The following PWWP2A variants were observed in gnomAD, a reference collection of about 807,000 sequenced individuals.
PWWP2A encodes PWWP domain containing 2A.
A neutral mutation model predicts 48.5 loss-of-function variants in PWWP2A; 18 were observed. That is an observed-to-expected ratio of 0.37 (90% CI 0.26 to 0.55). The LOEUF is 0.55. PWWP2A is among the 20% of genes least tolerant of loss of function. The pLI is 0.81. For missense variants in PWWP2A, 867 were observed against 976.4 expected (o/e 0.89, Z 1.49); for synonymous variants, 396 against 387.7 (o/e 1.02, Z -0.25).
intron 2 of PWWP2A, among the ~76,000 whole-genome samples, chr5:160,083,367 C>T (rs898540176): frequency 2.0e-5 from 3 of 152,260 alleles, no homozygotes; most frequent in Admixed American, 6.5e-5. Flanking sequence ...CCAAACCACA[C>T]ACAGTTCAAG....
At chr5:160,061,050 A>G (rs1219803541), downstream of PWWP2A, among the ~76,000 whole-genome samples, 3 of 152,242 alleles carry the variant, frequency 2.0e-5, no homozygotes, top group Non-Finnish European at 4.4e-5. Flanking sequence ...TCAAGCTGTC[A>G]GTGGCCTCCT....
chr5:160,112,679 C>G (rs1165108751), intron 1 of PWWP2A, among the ~76,000 whole-genome samples: 1 of 151,732 alleles, frequency 6.6e-6, no homozygotes, highest in Non-Finnish European at 1.5e-5. Context: ...CAGGGAAAAC[C>G]AGGCCACCTG....
At chr5:160,116,814 C>T (rs1480742393) in intron 1 of PWWP2A, 22 of 984,514 alleles carry the variant, frequency 2.2e-5, no homozygotes, top group African/African-American at 7.0e-5. Context: ...CAGTAGAGGC[C>T]GGGCGAGGTG....
chr5:160,060,372 C>A (rs10065759), downstream of PWWP2A, among the ~76,000 whole-genome samples: 1 of 152,014 alleles, frequency 6.6e-6, no homozygotes. Context: ...CAACTGAACC[C>A]AGTGGCAAGC....
intron 1 of PWWP2A, chr5:160,116,699 T>C (rs767636045): frequency 2.5e-4 from 248 of 984,592 alleles, no homozygotes; most frequent in Non-Finnish European, 2.8e-4. Flanking sequence ...CTTCTGCACC[T>C]TCCTTTTGCA....
At chr5:160,072,706 G>A (rs1753766656), downstream of PWWP2A, among the ~76,000 whole-genome samples, 1 of 152,120 alleles carries the variant, frequency 6.6e-6, no homozygotes, top group African/African-American at 2.4e-5. Flanking sequence ...TCCAGCCTGG[G>A]CAACAGAGCG....
the PWWP2A span, among the ~76,000 whole-genome samples, chr5:160,056,659 G>C: frequency 6.6e-6 from 1 of 152,206 alleles, no homozygotes; most frequent in Non-Finnish European, 1.5e-5. Flanking sequence ...GGAGATCAAA[G>C]CTGCAGTGAG....
Position 160,091,970 on chromosome 5 carries a change from A to G in PWWP2A, c.*412T>C, listed in dbSNP as rs946726939. On this transcript the variant is annotated 3_prime_UTR_variant, in exon 2 of 2. Coordinates refer to ENST00000307063, the MANE Select transcript of PWWP2A (RefSeq NM_001130864.2). The stretch of plus-strand genomic sequence containing the variant: ...GACAGGCTGTATTTCATATATATAT[A>G]TGTGTATATATACATATATATGTGT... 43 of 859,832 alleles carry G rather than the reference A, an allele frequency of 5.0e-5. No individual in the cohort carries two copies. Among genetic ancestry groups the G allele is most frequent in the East Asian group, 1.2e-4 (1 of 8,132 alleles). 53.3% of individuals were successfully genotyped at this position (859,832 alleles called of 1,614,324 possible). A position where few individuals can be genotyped will look rare whatever the true frequency, so the allele number is the denominator to read the frequency against.
intron 2 of PWWP2A, among the ~76,000 whole-genome samples, chr5:160,086,174 T>C (rs983775010): frequency 6.6e-6 from 1 of 152,162 alleles, no homozygotes; most frequent in African/African-American, 2.4e-5. Flanking sequence ...AAATAATGAC[T>C]GTTCTCAACT....
intron 5 of PWWP2A, among the ~76,000 whole-genome samples, chr5:160,063,104 A>AT (rs1753479186): frequency 6.6e-6 from 1 of 152,162 alleles, no homozygotes; most frequent in Non-Finnish European, 1.5e-5. Context: ...AGCTTTCTCA[A>AT]TTTACTGTTT....
intron 1 of PWWP2A, among the ~76,000 whole-genome samples, chr5:160,105,067 C>T (rs574924392): frequency 2.0e-5 from 3 of 151,966 alleles, no homozygotes; most frequent in African/African-American, 7.2e-5. Context: ...AAAAATAAAA[C>T]AATTTACTAA....
At chr5:160,094,902 G>A (rs1161588079) in intron 1 of PWWP2A, among the ~76,000 whole-genome samples, 5 of 151,244 alleles carry the variant, frequency 3.3e-5, no homozygotes, top group Non-Finnish European at 7.4e-5. Context: ...AAAAAGATTC[G>A]CCGGGCATGG....
At position 160,092,013 on chromosome 5, in the gene PWWP2A, G is replaced by GATATAGATATATATATAT. The variant is rs1755119699; in HGVS notation, c.*368_*369insATATATATATATCTATAT. 2 of 310,614 alleles carry GATATAGATATATATATAT rather than the reference G, an allele frequency of 6.4e-6. No homozygotes were observed. The highest frequency in any genetic ancestry group is 6.3e-5 in the African/African-American group (2 of 31,960). 19.2% of individuals were successfully genotyped at this position (310,614 alleles called of 1,614,324 possible). On this transcript the variant is annotated 3_prime_UTR_variant, in exon 2 of 2. Coordinates refer to ENST00000307063, the MANE Select transcript of PWWP2A (RefSeq NM_001130864.2). ...ATATGTGTGTATATATACATACACG[G>GATATAGATATATATATAT]ATATATATATATACACACACACACA...
At chr5:160,110,929 G>T (rs1757497709) in intron 1 of PWWP2A, among the ~76,000 whole-genome samples, 1 of 146,692 alleles carries the variant, frequency 6.8e-6, no homozygotes, top group Admixed American at 6.9e-5. Context: ...TACTCAGGAG[G>T]CTGAGACAAG....
At chr5:160,060,387 G>A (rs373295603), downstream of PWWP2A, among the ~76,000 whole-genome samples, 1 of 152,174 alleles carries the variant, frequency 6.6e-6, no homozygotes, top group Non-Finnish European at 1.5e-5. Flanking sequence ...GCAAGCACTC[G>A]GATCCCTGTC....
At chr5:160,053,626 T>C in the PWWP2A span, among the ~76,000 whole-genome samples, 1 of 152,176 alleles carries the variant, frequency 6.6e-6, no homozygotes. Context: ...TTTTGTTCTT[T>C]TTATTCAGGA....
At chr5:160,114,258 C>T (rs993755922) in intron 1 of PWWP2A, among the ~76,000 whole-genome samples, 4 of 152,114 alleles carry the variant, frequency 2.6e-5, no homozygotes, top group Non-Finnish European at 1.5e-5. Flanking sequence ...AGACCTGGCG[C>T]GGTGGCTCAT....
chr5:160,104,335 G>A (rs1429926136), intron 1 of PWWP2A, among the ~76,000 whole-genome samples: 1 of 151,778 alleles, frequency 6.6e-6, no homozygotes, highest in African/African-American at 2.4e-5. Context: ...GGAGGCTGAG[G>A]TGAAAGGATC....
At chr5:160,055,195 G>A in the PWWP2A span, among the ~76,000 whole-genome samples, 2 of 152,182 alleles carry the variant, frequency 1.3e-5, no homozygotes, top group Non-Finnish European at 2.9e-5. Context: ...ATTTTATCCC[G>A]TATGCTGGCC....
Sources: gnomAD v4.1 joint callset for allele counts (sites outside exome capture counted in the v4.1 genomes callset) on GRCh38, gnomAD v4.1.1 for gene constraint, MANE v1.5 for transcripts, NCBI Gene and HGNC (gene_info 2026-07-23, HGNC 2026-07-21) for gene names.